The following SREBF2 variants were observed in gnomAD, a reference collection of about 807,000 sequenced individuals.
The protein encoded by SREBF2 is sterol regulatory element-binding protein 2.
Under a neutral mutation model 113.1 loss-of-function variants are expected in SREBF2, and 55 were observed. That is an observed-to-expected ratio of 0.49 (90% CI 0.39 to 0.61). The LOEUF (loss-of-function observed/expected upper bound fraction) is 0.61. SREBF2 is among the 20% of genes least tolerant of loss of function. The pLI is 0.00. For synonymous variants in SREBF2, 593 were observed against 605.7 expected (o/e 0.98, Z 0.31); for missense variants, 1,349 against 1,487.4 (o/e 0.91, Z 1.53).
intron 1 of SREBF2, among the ~76,000 whole-genome samples, chr22:41,838,766 C>T (rs974619027): frequency 5.3e-5 from 8 of 151,834 alleles, no homozygotes; most frequent in East Asian, 1.9e-4. Context: ...GAAAATTGAA[C>T]GGTGGTGATA....
rs1377221580 is a variant in SREBF2, at chr22:41,875,353, T to C, written c.1106T>C (p.Val369Ala). 28 of 1,613,910 alleles carry C rather than the reference T, an allele frequency of 1.7e-5. No homozygotes were observed. Among genetic ancestry groups the C allele is most frequent in the Non-Finnish European group, 2.4e-5 (28 of 1,179,894 alleles). ...GTDAKMHKSG[V>A]LRKAIDYIKY... is the part of the protein sequence containing the mutation. Reference sequence around the variant, plus strand: ...CCTACCCAGATGCACAAGTCTGGCGTTCTGAGGAAGGCCATTGATTACATC... The same window carrying C: ...CCTACCCAGATGCACAAGTCTGGCGCTCTGAGGAAGGCCATTGATTACATC... Residue 369 changes from valine (V) to alanine (A), a missense_variant, in exon 6 of 19, where the codon GTT becomes GCT. Transcript: ENST00000361204.
intron 11 of SREBF2, among the ~76,000 whole-genome samples, chr22:41,892,075 G>A (rs1029495990): frequency 6.6e-6 from 1 of 152,222 alleles, no homozygotes; most frequent in East Asian, 1.9e-4. Flanking sequence ...TTCACATCAG[G>A]GGCTCATGCA....
chr22:41,904,543 C>T, intron 17 of SREBF2: 1 of 568,288 alleles, frequency 1.8e-6, no homozygotes, highest in Non-Finnish European at 3.5e-6. Context: ...AGGCAGCCTC[C>T]AGGGCCTTGG....
At chr22:41,862,043 C>T (rs1186888408) in intron 1 of SREBF2, among the ~76,000 whole-genome samples, 4 of 151,350 alleles carry the variant, frequency 2.6e-5, no homozygotes, top group Admixed American at 1.3e-4. Flanking sequence ...TAACAAATAC[C>T]TGTTAAAGGA....
At chr22:41,848,579 C>G (rs1322954651) in intron 1 of SREBF2, among the ~76,000 whole-genome samples, 2 of 152,096 alleles carry the variant, frequency 1.3e-5, no homozygotes, top group African/African-American at 4.8e-5. Context: ...CATCGTAGAG[C>G]CTAACTGCTG....
chr22:41,860,455 C>T (rs2077017178), intron 1 of SREBF2, among the ~76,000 whole-genome samples: 1 of 152,106 alleles, frequency 6.6e-6, no homozygotes, highest in South Asian at 2.1e-4. Context: ...TGTGAGGAAA[C>T]ACTAGCAGGA....
chr22:41,875,542 G>C lies in SREBF2; in HGVS notation c.1205-1G>C. The C allele has an allele frequency of 6.2e-7, 1 of 1,614,230 alleles. No individual in the cohort carries two copies. On this transcript the variant is annotated splice_acceptor_variant, in intron 6 of 18. Coordinates refer to ENST00000361204, the MANE Select transcript of SREBF2 (RefSeq NM_004599.4). LOFTEE classifies it high-confidence loss of function. The stretch of plus-strand genomic sequence containing the variant: ...TTCACCAGGTGGGGTTTTCTTTGCA[G>C]AGCTTCTAAAGGGCATCGACCTAGG...
intron 1 of SREBF2, among the ~76,000 whole-genome samples, chr22:41,848,674 G>A (rs1342392681): frequency 6.6e-6 from 1 of 152,150 alleles, no homozygotes; most frequent in Non-Finnish European, 1.5e-5. Context: ...CAGGGTGCTT[G>A]AGAAAAGAGC....
chr22:41,885,290 A>G (rs9623468), intron 11 of SREBF2, among the ~76,000 whole-genome samples: 15,504 of 152,250 alleles, frequency 0.1, 1,300 homozygotes, highest in African/African-American at 0.23. Flanking sequence ...TGGTTCAGCA[A>G]TAGCAGAGCT....
chr22:41,847,741 A>G (rs1423569924), intron 1 of SREBF2, among the ~76,000 whole-genome samples: 2 of 152,220 alleles, frequency 1.3e-5, no homozygotes, highest in Non-Finnish European at 2.9e-5. Context: ...TCTACCTCAA[A>G]GTGTCATTGA....
intron 1 of SREBF2, among the ~76,000 whole-genome samples, chr22:41,862,340 G>C (rs898982962): frequency 6.6e-6 from 1 of 152,200 alleles, no homozygotes; most frequent in African/African-American, 2.4e-5. Context: ...CCAGAACCCA[G>C]ATACAGTTTC....
At chr22:41,894,446 T>C (rs1348839862) in intron 12 of SREBF2, among the ~76,000 whole-genome samples, 1 of 152,164 alleles carries the variant, frequency 6.6e-6, no homozygotes, top group Non-Finnish European at 1.5e-5. Flanking sequence ...TTTTTTTCCT[T>C]GCCTGGTGGT....
chr22:41,837,921 A>T (rs996971970), intron 1 of SREBF2, among the ~76,000 whole-genome samples: 5 of 150,952 alleles, frequency 3.3e-5, no homozygotes, highest in Admixed American at 6.6e-5. Flanking sequence ...TGGCTCATTT[A>T]AAAAAAAAGT....
At chr22:41,883,717 G>A (rs1420596140) in intron 10 of SREBF2, among the ~76,000 whole-genome samples, 3 of 152,222 alleles carry the variant, frequency 2.0e-5, no homozygotes, top group Non-Finnish European at 4.4e-5. Context: ...AGAATGGAGT[G>A]TGGAGGCTGA....
chr22:41,863,388 T>C (rs1396119333), intron 1 of SREBF2, among the ~76,000 whole-genome samples: 1 of 152,260 alleles, frequency 6.6e-6, no homozygotes, highest in African/African-American at 2.4e-5. Flanking sequence ...GTGTGTGATA[T>C]TCTTCTGGCT....
At position 41,877,898 on chromosome 22, in the gene SREBF2, G is replaced by A. The variant is rs568531992; in HGVS notation, c.1580-44G>A. 19 of 1,612,304 alleles carry A rather than the reference G, an allele frequency of 1.2e-5. 1 individual carries two copies. Among genetic ancestry groups the A allele is most frequent in the Middle Eastern group, 1.6e-4 (1 of 6,082 alleles). ...GGTCTGTCAGGTGCCTGGCTGCTCC[G>A]CAAGGCCTTTCCTAGCAGACTCTGC... On this transcript the variant is annotated intron_variant, in intron 8 of 18. Transcript: ENST00000361204.
chr22:41,840,387 C>CA (rs2076817840), intron 1 of SREBF2, among the ~76,000 whole-genome samples: 1 of 152,206 alleles, frequency 6.6e-6, no homozygotes, highest in South Asian at 2.1e-4. Flanking sequence ...GCTCTCCCTT[C>CA]ACTTATCTTG....
chr22:41,894,785 C>T (rs747564194), intron 12 of SREBF2, 35 bp from the exon 13 acceptor site: 7 of 1,572,560 alleles, frequency 4.5e-6, no homozygotes, highest in Non-Finnish European at 6.1e-6. Flanking sequence ...CATAAATGAG[C>T]TCCATTTAAC....
At chr22:41,861,356 C>T (rs892020060) in intron 1 of SREBF2, among the ~76,000 whole-genome samples, 1 of 152,040 alleles carries the variant, frequency 6.6e-6, no homozygotes, top group African/African-American at 2.4e-5. Flanking sequence ...GTGGCACGCA[C>T]CTGTAATCCC....
Sources: gnomAD v4.1 joint callset for allele counts (sites outside exome capture counted in the v4.1 genomes callset) on GRCh38, gnomAD v4.1.1 for gene constraint, MANE v1.5 for transcripts, NCBI Gene and HGNC (gene_info 2026-07-23, HGNC 2026-07-21) for gene names.